The following ANKRD11 variants were observed in gnomAD, a reference collection of about 807,000 sequenced individuals.
The protein encoded by ANKRD11 is ankyrin repeat domain 11.
Under a neutral mutation model 195.7 loss-of-function variants are expected in ANKRD11, and 17 were observed. The ratio of observed to expected loss-of-function variants is 0.09; its 90% CI spans 0.06 to 0.13. ANKRD11 has a LOEUF of 0.13. Among genes scored for constraint, ANKRD11 ranks in the 10% least tolerant of loss-of-function variants. ANKRD11 has a pLI of 1.00. For synonymous variants in ANKRD11, 1,953 were observed against 1,528.1 expected, an observed-to-expected ratio of 1.28 and a Z score of -6.49; for missense variants, 3,735 against 3,566.1, an observed-to-expected ratio of 1.05 and a Z score of -1.21.
At chr16:89,461,599 C>T (rs1301261264) in intron 1 of ANKRD11, among the ~76,000 whole-genome samples, 1 of 152,050 alleles carries the variant, frequency 6.6e-6, no homozygotes, top group African/African-American at 2.4e-5. Context: ...CCTCGGCCTC[C>T]GAAAGTGCTG....
intron 1 of ANKRD11, chr16:89,488,911 A>C (rs2057710946): frequency 6.6e-6 from 1 of 152,196 alleles, no homozygotes; most frequent in South Asian, 2.1e-4. Flanking sequence ...CATAATCTAC[A>C]AAAACGATGA....
intron 1 of ANKRD11, among the ~76,000 whole-genome samples, chr16:89,444,126 G>GTTT: frequency 6.6e-6 from 1 of 152,244 alleles, no homozygotes; most frequent in Admixed American, 6.5e-5. Flanking sequence ...AGGTAGTTAA[G>GTTT]TATTTTTTTT....
At chr16:89,299,106 C>T (rs1279016890) in intron 4 of ANKRD11, 3 of 153,574 alleles carry the variant, frequency 2.0e-5, no homozygotes, top group East Asian at 1.9e-4. Flanking sequence ...ATTCAGAGGC[C>T]GACCCTGCTT....
intron 2 of ANKRD11, chr16:89,324,718 C>T (rs1202517833): frequency 3.8e-5 from 13 of 340,300 alleles, no homozygotes. Context: ...CTTTTGGGTT[C>T]TTGGACCTAC....
chr16:89,277,250 G>A (rs183164373), intron 9 of ANKRD11, among the ~76,000 whole-genome samples: 1 of 152,282 alleles, frequency 6.6e-6, no homozygotes, highest in Admixed American at 6.5e-5. Context: ...TCAAGCGAAT[G>A]CACAGCCCAG....
intron 11 of ANKRD11, 148 bp from the exon 12 acceptor site, chr16:89,271,057 CA>C: frequency 1.3e-6 from 1 of 744,410 alleles, no homozygotes. Context: ...GAATCATGTT[CA>C]AGGCATGGCA....
intron 2 of ANKRD11, among the ~76,000 whole-genome samples, chr16:89,406,692 GAAGGACAGACTTC>G (rs1420500670): frequency 3.9e-5 from 6 of 152,188 alleles, no homozygotes; most frequent in Non-Finnish European, 8.8e-5. Flanking sequence ...CTGGAGGAAG[GAAGGACAGACTTC>G]TGAAGAAGAT....
intron 1 of ANKRD11, among the ~76,000 whole-genome samples, chr16:89,447,804 C>G (rs1002021394): frequency 1.5e-5 from 2 of 135,296 alleles, no homozygotes; most frequent in African/African-American, 5.6e-5. Flanking sequence ...ATAACTTTTT[C>G]TTTTTTTTTT....
At chr16:89,379,710 A>G (rs1195174266) in intron 2 of ANKRD11, among the ~76,000 whole-genome samples, 1 of 152,210 alleles carries the variant, frequency 6.6e-6, no homozygotes, top group Non-Finnish European at 1.5e-5. Context: ...AGCTCCGTGC[A>G]GTGCACGGAT....
chr16:89,278,802 C>G (rs878876039), intron 9 of ANKRD11: 1 of 641,762 alleles, frequency 1.6e-6, no homozygotes, highest in South Asian at 1.5e-5. Flanking sequence ...ACGAGTGGGA[C>G]CGGGGTGCAC....
At chr16:89,293,765 A>G (rs930807227) in intron 4 of ANKRD11, among the ~76,000 whole-genome samples, 4 of 151,112 alleles carry the variant, frequency 2.6e-5, no homozygotes, top group African/African-American at 9.8e-5. Context: ...TGTTGGGAGG[A>G]GCTGGGGCGG....
chr16:89,446,757 C>G (rs1222880461), intron 1 of ANKRD11, among the ~76,000 whole-genome samples: 1 of 152,186 alleles, frequency 6.6e-6, no homozygotes, highest in Non-Finnish European at 1.5e-5. Context: ...AAGCAGCTTC[C>G]TGTCCAGTGA....
intron 4 of ANKRD11, among the ~76,000 whole-genome samples, chr16:89,295,826 C>T (rs1333959947): frequency 2.0e-5 from 2 of 98,600 alleles, no homozygotes; most frequent in Non-Finnish European, 3.9e-5. Context: ...CAGGTGGGAT[C>T]GGAGGGGGGA....
intron 2 of ANKRD11, among the ~76,000 whole-genome samples, chr16:89,384,376 C>T (rs920599936): frequency 4.6e-5 from 7 of 152,234 alleles, no homozygotes; most frequent in Admixed American, 4.6e-4. Context: ...ATGAAAAATA[C>T]AAAAATTAGC....
At chr16:89,389,348 A>G (rs1159243003) in intron 2 of ANKRD11, among the ~76,000 whole-genome samples, 1 of 152,078 alleles carries the variant, frequency 6.6e-6, no homozygotes, top group African/African-American at 2.4e-5. Context: ...TAAACCTAAA[A>G]TTTTTCAAAA....
At chr16:89,386,208 C>A (rs1281073750) in intron 2 of ANKRD11, among the ~76,000 whole-genome samples, 1 of 152,126 alleles carries the variant, frequency 6.6e-6, no homozygotes, top group Non-Finnish European at 1.5e-5. Flanking sequence ...AAATGGAAAT[C>A]CACACTACAA....
In ANKRD11 at chr16:89,316,059, A is replaced by C. The variant is rs535434338; in HGVS notation, c.87+874T>G. On this transcript the variant is annotated intron_variant, in intron 3 of 12. Coordinates refer to ENST00000301030, the MANE Select transcript of ANKRD11 (RefSeq NM_013275.6). ...AGGTCACAGATGAACGGCCTGCCAC[A>C]CTGGCCAAGAAGTTAGGAGGAGCAA... is the stretch of plus-strand genomic sequence containing the variant. Among the ~76,000 whole-genome samples, 323 of 152,152 alleles carry C rather than the reference A, an allele frequency of 2.1e-3. 2 individuals carry two copies. The highest frequency in any genetic ancestry group is 3.4e-3 in the Non-Finnish European group (231 of 67,986).
At chr16:89,302,998 G>A (rs971634916) in intron 4 of ANKRD11, among the ~76,000 whole-genome samples, 6 of 152,096 alleles carry the variant, frequency 3.9e-5, no homozygotes, top group African/African-American at 9.7e-5. Flanking sequence ...GACAGACCCC[G>A]GAAGCTTCTG....
intron 2 of ANKRD11, among the ~76,000 whole-genome samples, chr16:89,393,507 T>G (rs1287278130): frequency 2.7e-5 from 4 of 148,710 alleles, no homozygotes; most frequent in Non-Finnish European, 6.0e-5. Flanking sequence ...TTTTTTTTTT[T>G]TGTATTTTTA....
Sources: gnomAD v4.1 joint callset for allele counts (sites outside exome capture counted in the v4.1 genomes callset) on GRCh38, gnomAD v4.1.1 for gene constraint, MANE v1.5 for transcripts, NCBI Gene and HGNC (gene_info 2026-07-23, HGNC 2026-07-21) for gene names.